Variants in GNG2 observed in about 807,000 individuals in gnomAD.
GNG2 encodes guanine nucleotide-binding protein G(I)/G(S)/G(O) subunit gamma-2.
GNG2 carries 5 observed loss-of-function variants against 5.5 expected under a neutral mutation model. The observed-to-expected ratio is 0.91, with a 90% confidence interval of 0.48 to 1.92. The LOEUF (loss-of-function observed/expected upper bound fraction) is 1.92. GNG2 is among the 30% of genes most tolerant of loss of function. The pLI is 0.01. For missense variants in GNG2, 55 were observed against 88.4 expected (o/e 0.62, Z 1.52); for synonymous variants, 28 against 32.0 (o/e 0.88, Z 0.42).
intron 2 of GNG2, among the ~76,000 whole-genome samples, chr14:51,848,299 C>G (rs1881733153): frequency 6.6e-6 from 1 of 152,184 alleles, no homozygotes; most frequent in African/African-American, 2.4e-5. Flanking sequence ...ATTCTGGTCT[C>G]ACAATGCAAG....
upstream of GNG2, among the ~76,000 whole-genome samples, chr14:51,858,998 T>C (rs1412522894): frequency 6.6e-6 from 1 of 152,230 alleles, no homozygotes; most frequent in African/African-American, 2.4e-5. Flanking sequence ...TTAAATTCTG[T>C]ACCTTCTAGG....
intron 1 of GNG2, among the ~76,000 whole-genome samples, chr14:51,862,850 A>C (rs1882610422): frequency 6.6e-6 from 1 of 152,258 alleles, no homozygotes; most frequent in South Asian, 2.1e-4. Context: ...GAAAAAGATG[A>C]ATATGCTTCT....
intron 2 of GNG2, among the ~76,000 whole-genome samples, chr14:51,939,257 A>T (rs1258345966): frequency 6.6e-6 from 1 of 152,260 alleles, no homozygotes; most frequent in Non-Finnish European, 1.5e-5. Flanking sequence ...CTAAAAGCTT[A>T]CATGTCATTT....
chr14:51,877,735 C>T (rs1721008626), intron 2 of GNG2, 78 bp downstream of exon 2: 1 of 421,100 alleles, frequency 2.4e-6, no homozygotes, highest in Non-Finnish European at 4.8e-6. Context: ...GTTAAGTGGT[C>T]TATAGATGAA....
intron 2 of GNG2, among the ~76,000 whole-genome samples, chr14:51,834,308 G>A (rs1260737820): frequency 2.0e-5 from 3 of 152,192 alleles, no homozygotes; most frequent in South Asian, 2.1e-4. Flanking sequence ...CTTGGCTCCC[G>A]AGCTGTGGTG....
At chr14:51,847,114 TCAA>T (rs1324015416) in intron 2 of GNG2, 5 of 152,016 alleles carry the variant, frequency 3.3e-5, no homozygotes, top group Non-Finnish European at 1.5e-5. Context: ...CATTATGAAA[TCAA>T]CAACAACAAC....
intron 2 of GNG2, among the ~76,000 whole-genome samples, chr14:51,906,202 AG>A (rs1212380015): frequency 6.6e-6 from 1 of 152,258 alleles, no homozygotes; most frequent in Admixed American, 6.5e-5. Flanking sequence ...CCTGACCCTC[AG>A]GGGCCCTGCC....
chr14:51,953,606 A>G (rs1457072303), intron 3 of GNG2, among the ~76,000 whole-genome samples: 2 of 152,184 alleles, frequency 1.3e-5, no homozygotes, highest in Non-Finnish European at 2.9e-5. Context: ...ACATTGTTAG[A>G]AATACAGCAG....
At chr14:51,868,758 G>A (rs1314074944) in intron 1 of GNG2, among the ~76,000 whole-genome samples, 1 of 152,136 alleles carries the variant, frequency 6.6e-6, no homozygotes, top group Non-Finnish European at 1.5e-5. Flanking sequence ...CCTACAGAAA[G>A]CAGCTTTTCG....
rs1017211245 is a variant in GNG2, at chr14:51,914,397, G to T, written c.-29-36253G>T. ...TAATCCTTTCTCCCTGAATCTTCTT[G>T]AAGGATCCTTGTGCTAAGGTTCCCA... On this transcript the variant is annotated intron_variant, in intron 2 of 3. Coordinates refer to ENST00000556766, the MANE Select transcript of GNG2 (RefSeq NM_053064.5). 4.7e-6 allele frequency: 3 copies of T among 633,412 alleles called. No homozygotes were observed. In the African/African-American group the frequency reaches 5.5e-5, roughly 12 times the overall value. 39.2% of individuals were successfully genotyped at this position (633,412 alleles called of 1,614,324 possible). A position where few individuals can be genotyped will look rare whatever the true frequency, so the allele number is the denominator to read the frequency against.
intron 2 of GNG2, among the ~76,000 whole-genome samples, chr14:51,848,127 C>T (rs1046918948): frequency 3.3e-5 from 5 of 151,954 alleles, no homozygotes; most frequent in African/African-American, 1.2e-4. Context: ...CCCTCACATC[C>T]AAGTCAGCAG....
At chr14:51,954,223 C>T (rs563810963) in intron 3 of GNG2, among the ~76,000 whole-genome samples, 2 of 152,102 alleles carry the variant, frequency 1.3e-5, no homozygotes, top group African/African-American at 2.4e-5. Context: ...TCATAAGCCT[C>T]GGGCATATAT....
chr14:51,907,198 A>G (rs73295010), intron 2 of GNG2, among the ~76,000 whole-genome samples: 2,805 of 152,280 alleles, frequency 0.018, 93 homozygotes, highest in African/African-American at 0.064. Context: ...TGATGGTGCT[A>G]TGGGAGAAAT....
intron 2 of GNG2, among the ~76,000 whole-genome samples, chr14:51,912,367 C>T (rs933888851): frequency 6.6e-6 from 1 of 152,156 alleles, no homozygotes; most frequent in Non-Finnish European, 1.5e-5. Context: ...CCCCAAAATC[C>T]CTTAATTCCA....
intron 2 of GNG2, among the ~76,000 whole-genome samples, chr14:51,924,725 G>C (rs1389694031): frequency 6.6e-5 from 10 of 152,210 alleles, no homozygotes; most frequent in Non-Finnish European, 1.2e-4. Flanking sequence ...TTACAGTTCT[G>C]AGCATGGTAT....
chr14:51,938,878 ACT>A (rs1205445464), intron 2 of GNG2, among the ~76,000 whole-genome samples: 4 of 152,244 alleles, frequency 2.6e-5, no homozygotes, highest in Non-Finnish European at 5.9e-5. Context: ...TTTGAGAGAC[ACT>A]GAGGATTTAG....
chr14:51,864,915 T>C (rs1444780542), intron 1 of GNG2, among the ~76,000 whole-genome samples: 3 of 152,176 alleles, frequency 2.0e-5, no homozygotes, highest in African/African-American at 7.2e-5. Context: ...CTAACCAAAA[T>C]TTCACTTTTA....
chr14:51,830,270 A>C (rs1881145778), intron 2 of GNG2, among the ~76,000 whole-genome samples: 1 of 152,094 alleles, frequency 6.6e-6, no homozygotes, highest in Non-Finnish European at 1.5e-5. Flanking sequence ...ACTGATTTCA[A>C]AATACTGGAG....
chr14:51,884,620 A>G (rs936095447), intron 2 of GNG2, among the ~76,000 whole-genome samples: 2 of 152,194 alleles, frequency 1.3e-5, no homozygotes, highest in African/African-American at 4.8e-5. Context: ...AGTAAAGGCT[A>G]TGAAGTGAAG....
Sources: allele counts gnomAD v4.1 joint callset (sites outside exome capture counted in the v4.1 genomes callset), GRCh38; gene constraint gnomAD v4.1.1; transcripts MANE v1.5; gene names NCBI Gene and HGNC (gene_info 2026-07-23, HGNC 2026-07-21).